Variants in KCNH8 observed in about 807,000 individuals in gnomAD.
The protein encoded by KCNH8 is potassium voltage-gated channel subfamily H member 8.
KCNH8 carries 70 observed loss-of-function variants against 103.6 expected under a neutral mutation model. That is an observed-to-expected ratio of 0.68 (90% CI 0.56 to 0.82). The LOEUF (loss-of-function observed/expected upper bound fraction) is 0.82. Ranked by LOEUF, KCNH8 falls within the 40% of genes least tolerant of loss-of-function variation. KCNH8 has a pLI of 0.00. For synonymous variants in KCNH8, 498 were observed against 489.4 expected, an observed-to-expected ratio of 1.02 and a Z score of -0.23; for missense variants, 1,217 against 1,329.9, an observed-to-expected ratio of 0.92 and a Z score of 1.32.
At chr3:19,338,161 C>T (rs1297651770) in intron 3 of KCNH8, among the ~76,000 whole-genome samples, 3 of 151,940 alleles carry the variant, frequency 2.0e-5, no homozygotes, top group East Asian at 1.9e-4. Flanking sequence ...GCTTCAAAGG[C>T]GCTGGATGAG....
At chr3:19,271,296 T>G (rs1383537975) in intron 2 of KCNH8, among the ~76,000 whole-genome samples, 1 of 152,108 alleles carries the variant, frequency 6.6e-6, no homozygotes, top group Non-Finnish European at 1.5e-5. Context: ...CAATAAACAG[T>G]TCCATCTCAT....
chr3:19,498,104 A>T (rs1179628245), intron 11 of KCNH8, among the ~76,000 whole-genome samples: 1 of 151,802 alleles, frequency 6.6e-6, no homozygotes, highest in African/African-American at 2.4e-5. Context: ...ATTTTTCTTT[A>T]TCCCTCTATT....
rs11923736 is a variant in KCNH8, at chr3:19,179,725, T to C, written c.76+30930T>C. Among the ~76,000 whole-genome samples the C allele has an allele frequency of 7.7e-3, 1,171 of 152,218 alleles. 14 individuals carry two copies. Among genetic ancestry groups the C allele is most frequent in the African/African-American group, 0.026 (1,078 of 41,546 alleles). Reference sequence around the variant, plus strand: ...GTAGGGGAAACAGGATATTAATGCTTGTTGAAAGATGCTGAAACTCTAGGT... The same window carrying C: ...GTAGGGGAAACAGGATATTAATGCTCGTTGAAAGATGCTGAAACTCTAGGT... On this transcript the variant is annotated intron_variant, in intron 1 of 15. Coordinates refer to ENST00000328405, the MANE Select transcript of KCNH8 (RefSeq NM_144633.3).
intron 1 of KCNH8, among the ~76,000 whole-genome samples, chr3:19,153,645 T>G (rs2063152400): frequency 6.7e-6 from 1 of 149,036 alleles, no homozygotes; most frequent in African/African-American, 2.5e-5. Flanking sequence ...CTTTTTTTTT[T>G]TTTTTTTAGA....
chr3:19,225,489 G>A (rs2063920678), intron 1 of KCNH8, among the ~76,000 whole-genome samples: 1 of 152,054 alleles, frequency 6.6e-6, no homozygotes, highest in African/African-American at 2.4e-5. Flanking sequence ...GTTGATATAG[G>A]CCTAGTTGTC....
Position 19,342,914 on chromosome 3 carries a change from T to C in KCNH8, c.570+200T>C, listed in dbSNP as rs557475134. Among the ~76,000 whole-genome samples the C allele has an allele frequency of 3.4e-4, 51 of 152,184 alleles. No individual in the cohort carries two copies. The South Asian group carries it at 0.011, about 32-fold the overall frequency. On this transcript the variant is annotated intron_variant, in intron 4 of 15. Transcript: ENST00000328405. ...TTTCTATAATAAAAGTACTTAATCA[T>C]AGTGTTATCACAGCATAGAGATTAG... is the stretch of plus-strand genomic sequence containing the variant.
chr3:19,414,154 G>A (rs963980007), intron 7 of KCNH8, among the ~76,000 whole-genome samples: 4 of 151,980 alleles, frequency 2.6e-5, no homozygotes, highest in African/African-American at 7.2e-5. Flanking sequence ...GCTTTAAAAC[G>A]TAACAGTCAC....
chr3:19,426,107 G>A (rs990761771), intron 7 of KCNH8, among the ~76,000 whole-genome samples: 91 of 152,096 alleles, frequency 6.0e-4, no homozygotes, highest in African/African-American at 2.1e-3. Flanking sequence ...CAAGGCCTGG[G>A]ATAGCCAGAG....
intron 1 of KCNH8, among the ~76,000 whole-genome samples, chr3:19,177,569 A>G (rs538594734): frequency 4.5e-4 from 68 of 152,186 alleles, no homozygotes; most frequent in African/African-American, 1.6e-3. Flanking sequence ...TCTTTTAAAT[A>G]TATACATATT....
chr3:19,226,623 G>GCGCACACACA (rs1553626232), intron 1 of KCNH8, among the ~76,000 whole-genome samples: 3 of 145,656 alleles, frequency 2.1e-5, no homozygotes, highest in African/African-American at 7.6e-5. Flanking sequence ...ACACATGCAT[G>GCGCACACACA]CACACACACA....
At chr3:19,469,413 TG>T (rs935947465) in intron 11 of KCNH8, among the ~76,000 whole-genome samples, 4 of 152,072 alleles carry the variant, frequency 2.6e-5, no homozygotes, top group Admixed American at 1.3e-4. Flanking sequence ...GGATCCAGTA[TG>T]TTTTTTTTGT....
chr3:19,309,849 T>C (rs537636897), intron 3 of KCNH8, among the ~76,000 whole-genome samples: 2,774 of 152,022 alleles, frequency 0.018, 83 homozygotes, highest in African/African-American at 0.06. Flanking sequence ...AAATCTGTCA[T>C]CCAAATAGAG....
chr3:19,220,643 C>T (rs2063864719), intron 1 of KCNH8, among the ~76,000 whole-genome samples: 1 of 152,074 alleles, frequency 6.6e-6, no homozygotes, highest in Admixed American at 6.5e-5. Flanking sequence ...CCATGACCAA[C>T]CATAAAACAG....
At chr3:19,252,049 A>G (rs1364832368) in intron 1 of KCNH8, among the ~76,000 whole-genome samples, 1 of 152,206 alleles carries the variant, frequency 6.6e-6, no homozygotes, top group Non-Finnish European at 1.5e-5. Context: ...AGTGTCCAAC[A>G]TTTGTTTCTT....
In KCNH8 at chr3:19,461,328, T is replaced by C. The variant is rs187897480; in HGVS notation, c.2040+4346T>C. Among the ~76,000 whole-genome samples the C allele has an allele frequency of 7.3e-3, 1,117 of 152,288 alleles. 10 individuals are homozygous for C. The highest frequency in any genetic ancestry group is 0.012 in the Non-Finnish European group (814 of 68,010). Reference sequence around the variant, plus strand: ...TAAGGGCTAGATAAGTTTGGACCTCTGTTTCTATAAGTTTGTACCTAGGGG... The same window carrying C: ...TAAGGGCTAGATAAGTTTGGACCTCCGTTTCTATAAGTTTGTACCTAGGGG... On this transcript the variant is annotated intron_variant, in intron 11 of 15. Transcript: ENST00000328405.
intron 7 of KCNH8, among the ~76,000 whole-genome samples, chr3:19,403,525 G>A (rs2066647486): frequency 1.3e-5 from 2 of 150,426 alleles, no homozygotes; most frequent in Non-Finnish European, 3.0e-5. Context: ...AGATTAATAA[G>A]TCTATGGGTA....
At chr3:19,271,652 C>A (rs1269142977) in intron 2 of KCNH8, among the ~76,000 whole-genome samples, 2 of 152,150 alleles carry the variant, frequency 1.3e-5, no homozygotes, top group African/African-American at 4.8e-5. Context: ...CAGCTCTTAA[C>A]CCTGGCCTCC....
chr3:19,370,004 T>G (rs772342746), intron 5 of KCNH8, among the ~76,000 whole-genome samples: 1 of 152,098 alleles, frequency 6.6e-6, no homozygotes, highest in Non-Finnish European at 1.5e-5. Flanking sequence ...CCTGATCATG[T>G]CATGTCTCTG....
chr3:19,295,949 A>G (rs2064992067), intron 3 of KCNH8, among the ~76,000 whole-genome samples: 1 of 152,136 alleles, frequency 6.6e-6, no homozygotes. Flanking sequence ...ATGCTTCAGT[A>G]AAAATAAGCT....
Sources: allele counts gnomAD v4.1 joint callset (sites outside exome capture counted in the v4.1 genomes callset), GRCh38; gene constraint gnomAD v4.1.1; transcripts MANE v1.5; gene names NCBI Gene and HGNC (gene_info 2026-07-23, HGNC 2026-07-21).